Variants in RIMBP2 observed in about 807,000 individuals in gnomAD.
RIMBP2 encodes RIMS binding protein 2, also known as RIMS-binding protein 2.
RIMBP2 carries 48 observed loss-of-function variants against 118.6 expected under a neutral mutation model. That is an observed-to-expected ratio of 0.40 (90% CI 0.32 to 0.51). The LOEUF is 0.51. Ranked by LOEUF, RIMBP2 falls within the 20% of genes least tolerant of loss-of-function variation. The pLI, the probability that RIMBP2 is intolerant of heterozygous loss-of-function variation, is 0.41. For synonymous variants in RIMBP2, 762 were observed against 742.9 expected, an observed-to-expected ratio of 1.03 and a Z score of -0.42; for missense variants, 1,551 against 1,768.3, an observed-to-expected ratio of 0.88 and a Z score of 2.20.
intron 2 of RIMBP2, among the ~76,000 whole-genome samples, chr12:130,571,075 G>A (rs2057602484): frequency 6.6e-6 from 1 of 152,126 alleles, no homozygotes; most frequent in Non-Finnish European, 1.5e-5. Context: ...TGCGGTCATT[G>A]TTTTGGCACT....
intron 4 of RIMBP2, among the ~76,000 whole-genome samples, chr12:130,489,969 A>C (rs886502687): frequency 2.0e-5 from 3 of 151,940 alleles, no homozygotes; most frequent in Non-Finnish European, 2.9e-5. Context: ...ACTAAAATAC[A>C]AAAAATTAGC....
chr12:130,664,937 G>T lies in RIMBP2; in HGVS notation c.-351-36481C>A, dbSNP rs938675546. 9.2e-5 allele frequency among the ~76,000 whole-genome samples: 14 copies of T among 151,718 alleles called. 1 individual carries two copies. The highest frequency in any genetic ancestry group is 3.4e-4 in the African/African-American group (14 of 40,986). ...AGGCCGGAGGGACAACAGGAAAACTGCCCCTTGTACTAATCAATCAACCGG... is the reference window on the plus strand; with the variant it reads ...AGGCCGGAGGGACAACAGGAAAACTTCCCCTTGTACTAATCAATCAACCGG... On this transcript the variant is annotated intron_variant, in intron 1 of 22. Coordinates refer to ENST00000690449, the MANE Select transcript of RIMBP2 (RefSeq NM_001393629.1).
At chr12:130,472,641 G>T (rs1023819761) in intron 5 of RIMBP2, among the ~76,000 whole-genome samples, 1 of 152,202 alleles carries the variant, frequency 6.6e-6, no homozygotes, top group Non-Finnish European at 1.5e-5. Context: ...TCATAAATAA[G>T]CAAGTGAACA....
chr12:130,470,659 A>G (rs1357690429), intron 6 of RIMBP2, 34 bp downstream of exon 6: 1 of 1,215,200 alleles, frequency 8.2e-7, no homozygotes, highest in Non-Finnish European at 1.0e-6. Context: ...AACGTCCCCC[A>G]CCCCCGGGCA....
intron 10 of RIMBP2, among the ~76,000 whole-genome samples, chr12:130,443,379 C>T (rs537796384): frequency 1.2e-4 from 18 of 152,234 alleles, no homozygotes; most frequent in East Asian, 5.8e-4. Flanking sequence ...TAACAGCAGA[C>T]GGCCAGAAAA....
At chr12:130,451,760 G>A (rs903260042) in intron 7 of RIMBP2, among the ~76,000 whole-genome samples, 3 of 152,248 alleles carry the variant, frequency 2.0e-5, no homozygotes, top group African/African-American at 7.2e-5. Context: ...AGAGAAAGTG[G>A]ATCCCGGCGA....
At chr12:130,530,879 T>G (rs1456159788) in intron 2 of RIMBP2, among the ~76,000 whole-genome samples, 4 of 152,194 alleles carry the variant, frequency 2.6e-5, no homozygotes, top group Non-Finnish European at 5.9e-5. Context: ...CAACTGAAAC[T>G]GGTGGTTCTG....
intron 15 of RIMBP2, chr12:130,427,116 A>G (rs2136847009): frequency 6.6e-6 from 1 of 152,376 alleles, no homozygotes. Context: ...CTTTGCCAGG[A>G]GAACATAAGT....
Position 130,399,786 on chromosome 12 carries a change from C to T in RIMBP2, c.3793G>A (p.Val1265Met). Residue 1265 changes from valine (V) to methionine (M), a missense_variant, in exon 22 of 23, where the codon GTG (valine) becomes ATG (methionine). Val to Met is a conservative substitution (Grantham distance 21). This residue lies in a region of RIMBP2 where 1,038 missense variants were observed against 1,125.1 expected (regional missense o/e 0.92). Coordinates refer to ENST00000690449, the MANE Select transcript of RIMBP2 (RefSeq NM_001393629.1). Reference protein sequence around the residue: ...YGELNGQKGLVPSNFLEEVPD... With the variant: ...YGELNGQKGLMPSNFLEEVPD... ...ACTTCTTCCAAGAAGTTTGAGGGCA[C>T]AAGGCCTTTCTGCCCATTCAGCTCC... 1.2e-6 allele frequency: 2 copies of T among 1,614,164 alleles called. No homozygotes were observed. Among genetic ancestry groups the T allele is most frequent in the Non-Finnish European group, 1.7e-6 (2 of 1,179,996 alleles).
chr12:130,437,405 G>A (rs963574644), intron 12 of RIMBP2, 114 bp from the exon 13 acceptor site: 10 of 855,902 alleles, frequency 1.2e-5, no homozygotes, highest in East Asian at 5.4e-5. Flanking sequence ...CATGCCCAGC[G>A]ACCTCCGACT....
At chr12:130,520,517 C>A (rs746974756) in intron 2 of RIMBP2, among the ~76,000 whole-genome samples, 20 of 151,818 alleles carry the variant, frequency 1.3e-4, no homozygotes, top group South Asian at 2.1e-4. Flanking sequence ...CACACACACA[C>A]AAAAATTAGC....
At chr12:130,478,286 T>C (rs1437096784) in intron 5 of RIMBP2, among the ~76,000 whole-genome samples, 1 of 152,226 alleles carries the variant, frequency 6.6e-6, no homozygotes, top group Non-Finnish European at 1.5e-5. Flanking sequence ...GCTATAAATA[T>C]TGCTCTGCAA....
At chr12:130,593,909 G>A (rs984008269) in intron 2 of RIMBP2, among the ~76,000 whole-genome samples, 7 of 152,082 alleles carry the variant, frequency 4.6e-5, no homozygotes, top group South Asian at 2.1e-4. Context: ...TTTCAATAAC[G>A]GTTAATGTTA....
intron 2 of RIMBP2, among the ~76,000 whole-genome samples, chr12:130,608,767 C>T (rs527262376): frequency 1.6e-4 from 24 of 152,336 alleles, no homozygotes; most frequent in South Asian, 6.2e-4. Flanking sequence ...TTAGCAAGTA[C>T]ATTACCTCAT....
intron 1 of RIMBP2, among the ~76,000 whole-genome samples, chr12:130,641,352 G>A (rs1055207365): frequency 2.7e-4 from 39 of 144,926 alleles, no homozygotes; most frequent in African/African-American, 1.0e-3. Context: ...GGTGACTGCC[G>A]GACACTCGGC....
chr12:130,509,668 G>A (rs189366152), intron 3 of RIMBP2, among the ~76,000 whole-genome samples: 19 of 151,990 alleles, frequency 1.3e-4, no homozygotes, highest in African/African-American at 4.3e-4. Context: ...CATGGCCCCC[G>A]GCCTCTGCTG....
chr12:130,467,909 G>T (rs10161112), intron 6 of RIMBP2, among the ~76,000 whole-genome samples: 19,431 of 152,208 alleles, frequency 0.13, 1,511 homozygotes, highest in Admixed American at 0.19. Flanking sequence ...ACCCATCTCA[G>T]ACACCTTTGG....
chr12:130,498,630 A>G (rs913675658), intron 4 of RIMBP2, among the ~76,000 whole-genome samples: 1 of 84,408 alleles, frequency 1.2e-5, no homozygotes, highest in Non-Finnish European at 2.6e-5. Flanking sequence ...GGGAAACAGC[A>G]TTCAAAAAAA....
intron 2 of RIMBP2, among the ~76,000 whole-genome samples, chr12:130,553,517 G>A (rs951975561): frequency 1.3e-5 from 2 of 152,152 alleles, no homozygotes; most frequent in African/African-American, 4.8e-5. Flanking sequence ...GCCGAGGCAG[G>A]TGGATTGCTT....
Sources: allele counts gnomAD v4.1 joint callset (sites outside exome capture counted in the v4.1 genomes callset), GRCh38; gene constraint gnomAD v4.1.1; regional missense constraint gnomAD v4.1.1; transcripts MANE v1.5; gene names NCBI Gene and HGNC (gene_info 2026-07-23, HGNC 2026-07-21).